Variants in FANCB observed in about 807,000 individuals in gnomAD.
FANCB encodes the protein Fanconi anemia group B protein.
Under a neutral mutation model 38.9 loss-of-function variants are expected in FANCB, and 5 were observed. The ratio of observed to expected loss-of-function variants is 0.13; its 90% CI spans 0.07 to 0.27. The LOEUF (loss-of-function observed/expected upper bound fraction) is 0.27, where lower values mean the gene tolerates loss of function less well. FANCB is among the 10% of genes least tolerant of loss of function. The pLI is 1.00. For synonymous variants in FANCB, 236 were observed against 215.4 expected (o/e 1.10, Z -0.84); for missense variants, 573 against 602.7 (o/e 0.95, Z 0.52).
rs750759993 is a variant in FANCB, at chrX:14,864,811, T to C, written c.700A>G (p.Ser234Gly). Residue 234 changes from serine to glycine, a missense_variant, in exon 3 of 10, where the codon AGC (serine) becomes GGC (glycine). Coordinates refer to ENST00000650831, the MANE Select transcript of FANCB (RefSeq NM_001018113.3). ...SDIYIIPPAY[S>G]SVVTYVHICA... ...ATATGTACATAAGTCACCACACTGC[T>C]GTAAGCAGGAGGAATAATGTATATA... 1 of 1,208,435 alleles carries C rather than the reference T, an allele frequency of 8.3e-7. No individual in the cohort carries two copies. Among genetic ancestry groups the C allele is most frequent in the Non-Finnish European group, 1.1e-6 (1 of 892,147 alleles).
the FANCB span, among the ~76,000 whole-genome samples, chrX:14,744,471 T>C: frequency 4.4e-5 from 5 of 112,484 alleles, no homozygotes; most frequent in Non-Finnish European, 1.9e-5. Context: ...TATATTCAGC[T>C]GTTAATATTA....
chrX:14,761,232 G>A, the FANCB span, among the ~76,000 whole-genome samples: 1 of 110,336 alleles, frequency 9.1e-6, no homozygotes, highest in South Asian at 3.9e-4. Flanking sequence ...CAAATTCCTC[G>A]GCTCAAGCAA....
At position 14,872,993 on chromosome X, in the gene FANCB, C is replaced by T. The variant is rs1371379304; in HGVS notation, c.-199G>A. Reference sequence around the variant, plus strand: ...TCGCCAGCCCCATCCTACCTCAACGCAGCGGCAACATACCGGAGGCCCCAC... The same window carrying T: ...TCGCCAGCCCCATCCTACCTCAACGTAGCGGCAACATACCGGAGGCCCCAC... On this transcript the variant is annotated 5_prime_UTR_variant, in exon 1 of 10. Transcript: ENST00000650831. 8.3e-6 allele frequency: 1 copy of T among 120,300 alleles called. No homozygotes were observed. Among genetic ancestry groups the T allele is most frequent in the Non-Finnish European group, 1.7e-5 (1 of 57,798 alleles). 9.9% of individuals were successfully genotyped at this position (120,300 alleles called of 1,213,427 possible).
At chrX:14,777,715 C>T in the FANCB span, among the ~76,000 whole-genome samples, 1 of 112,162 alleles carries the variant, frequency 8.9e-6, no homozygotes, top group South Asian at 3.7e-4. Flanking sequence ...GCAAAGCTTT[C>T]CTTCTACAAA....
At chrX:14,701,203 C>G in the FANCB span, among the ~76,000 whole-genome samples, 1 of 110,789 alleles carries the variant, frequency 9.0e-6, no homozygotes, top group African/African-American at 3.3e-5. Context: ...CAGGAACCCA[C>G]AGAAGTTTTC....
the FANCB span, among the ~76,000 whole-genome samples, chrX:14,726,149 CTTTA>C: frequency 8.9e-6 from 1 of 112,164 alleles, no homozygotes. Context: ...ACAGATTGTT[CTTTA>C]TTTTAGTTTC....
chrX:14,737,447 T>C, the FANCB span, among the ~76,000 whole-genome samples: 4 of 112,008 alleles, frequency 3.6e-5, no homozygotes, highest in African/African-American at 1.3e-4. Context: ...TAGAGGAATA[T>C]TGCAGGGTGG....
the FANCB span, among the ~76,000 whole-genome samples, chrX:14,736,736 G>A: frequency 4.5e-3 from 509 of 112,254 alleles, 3 homozygotes; most frequent in Non-Finnish European, 7.5e-3. Context: ...TTGGATTTTC[G>A]TATCTGGTTT....
chrX:14,700,934 C>T, the FANCB span, among the ~76,000 whole-genome samples: 1 of 109,549 alleles, frequency 9.1e-6, no homozygotes, highest in Non-Finnish European at 1.9e-5. Context: ...GGTGGAGCCA[C>T]TAGCCATACC....
chrX:14,807,891 AT>A, the FANCB span, among the ~76,000 whole-genome samples: 2 of 112,221 alleles, frequency 1.8e-5, no homozygotes, highest in African/African-American at 6.5e-5. Flanking sequence ...ATTACAACTG[AT>A]AGTACAGAAA....
At chrX:14,785,367 C>A in the FANCB span, among the ~76,000 whole-genome samples, 1 of 111,947 alleles carries the variant, frequency 8.9e-6, no homozygotes, top group African/African-American at 3.3e-5. Flanking sequence ...TGCTAGAGTG[C>A]CCATTTCTTT....
the FANCB span, among the ~76,000 whole-genome samples, chrX:14,710,038 G>A: frequency 9.0e-6 from 1 of 111,705 alleles, no homozygotes; most frequent in Non-Finnish European, 1.9e-5. Context: ...CTCTCCTCAG[G>A]ACATGCCTCA....
the FANCB span, among the ~76,000 whole-genome samples, chrX:14,732,565 T>C: frequency 8.9e-6 from 1 of 112,254 alleles, no homozygotes; most frequent in South Asian, 3.7e-4. Context: ...GACTTTTTAA[T>C]GATCGCTATT....
At chrX:14,725,209 ATT>A in the FANCB span, among the ~76,000 whole-genome samples, 1 of 111,929 alleles carries the variant, frequency 8.9e-6, no homozygotes, top group Non-Finnish European at 1.9e-5. Context: ...AATGCTATCC[ATT>A]TATTATTCAT....
chrX:14,730,869 T>C, the FANCB span: 1 of 166,610 alleles, frequency 6.0e-6, no homozygotes, highest in Non-Finnish European at 1.1e-5. Context: ...TTTGACTAAT[T>C]CTGGTACTGA....
At chrX:14,751,988 G>A in the FANCB span, among the ~76,000 whole-genome samples, 3 of 111,691 alleles carry the variant, frequency 2.7e-5, no homozygotes, top group African/African-American at 6.5e-5. Flanking sequence ...ATTATAATGT[G>A]TCTTTCTGTT....
downstream of FANCB, among the ~76,000 whole-genome samples, chrX:14,831,698 T>C (rs1175067389): frequency 2.7e-5 from 3 of 111,415 alleles, no homozygotes; most frequent in Admixed American, 1.9e-4. Flanking sequence ...TGGGAAGTCA[T>C]TGAATGAACA....
At chrX:14,783,386 C>T in the FANCB span, among the ~76,000 whole-genome samples, 2 of 111,893 alleles carry the variant, frequency 1.8e-5, no homozygotes, top group Non-Finnish European at 3.8e-5. Flanking sequence ...AATCCCCAAC[C>T]TCCCAATGAA....
the FANCB span, chrX:14,731,813 C>T: frequency 1.8e-5 from 2 of 111,929 alleles, no homozygotes; most frequent in Non-Finnish European, 3.8e-5. Flanking sequence ...GTGCCGCAAA[C>T]TTCTCTAGAG....
Sources: gnomAD v4.1 joint callset for allele counts (sites outside exome capture counted in the v4.1 genomes callset) on GRCh38, gnomAD v4.1.1 for gene constraint, MANE v1.5 for transcripts, NCBI Gene and HGNC (gene_info 2026-07-23, HGNC 2026-07-21) for gene names.